Variants in ACTMAP observed in about 807,000 individuals in gnomAD.
ACTMAP encodes actin maturation protease, also known as UPF0692 protein C19orf54.
At chr19:40,742,519 G>A in the ACTMAP span, 1,125 of 1,549,434 alleles carry the variant, frequency 7.3e-4, 2 homozygotes, top group Non-Finnish European at 9.0e-4. Flanking sequence ...ACGTACACCC[G>A]GCCGTCAGTG....
At chr19:40,740,996 G>A in the ACTMAP span, 2 of 398,596 alleles carry the variant, frequency 5.0e-6, no homozygotes, top group Non-Finnish European at 8.8e-6. Flanking sequence ...TCACTGGGCG[G>A]CTATTCTTGT....
At chr19:40,750,373 A>G in the ACTMAP span, 2 of 152,358 alleles carry the variant, frequency 1.3e-5, no homozygotes, top group Non-Finnish European at 2.9e-5. Flanking sequence ...AGAGCAACAA[A>G]AAACGTCTGT....
chr19:40,746,845 C>T, the ACTMAP span, among the ~76,000 whole-genome samples: 1 of 150,096 alleles, frequency 6.7e-6, no homozygotes, highest in Non-Finnish European at 1.5e-5. Flanking sequence ...CTTGCTCTGT[C>T]GCCCGGGCTG....
At chr19:40,749,331 A>C in the ACTMAP span, 1 of 790,062 alleles carries the variant, frequency 1.3e-6, no homozygotes, top group Non-Finnish European at 2.0e-6. Flanking sequence ...TCATTGCTGG[A>C]GGCACACCAC....
the ACTMAP span, chr19:40,744,243 A>G: frequency 1.3e-6 from 2 of 1,505,034 alleles, no homozygotes; most frequent in African/African-American, 2.8e-5. Flanking sequence ...TGTGCCCAGC[A>G]CCGTGCTGAG....
chr19:40,746,727 C>A, the ACTMAP span, among the ~76,000 whole-genome samples: 1 of 151,958 alleles, frequency 6.6e-6, no homozygotes, highest in African/African-American at 2.4e-5. Context: ...TCAGGCTGGT[C>A]TCGAACTGCT....
chr19:40,744,154 T>A, the ACTMAP span: 2 of 1,607,492 alleles, frequency 1.2e-6, no homozygotes, highest in Non-Finnish European at 1.7e-6. Context: ...CAGCTTGGCC[T>A]GGCAGCCCAG....
At chr19:40,749,364 G>A in the ACTMAP span, 1 of 1,040,304 alleles carries the variant, frequency 9.6e-7, no homozygotes, top group Non-Finnish European at 1.4e-6. Context: ...CTAGGTGGGG[G>A]ACCTAAGTAG....
At chr19:40,743,299 C>T in the ACTMAP span, among the ~76,000 whole-genome samples, 1 of 149,954 alleles carries the variant, frequency 6.7e-6, no homozygotes, top group Non-Finnish European at 1.5e-5. Flanking sequence ...GTGGCACGAT[C>T]TCAGCTCACT....
At chr19:40,744,337 T>C in the ACTMAP span, 1 of 1,382,736 alleles carries the variant, frequency 7.2e-7, no homozygotes, top group Non-Finnish European at 9.6e-7. Context: ...ACAAAGAGCG[T>C]GAGTGGCTTG....
the ACTMAP span, chr19:40,745,256 G>GA: frequency 6.6e-7 from 1 of 1,526,326 alleles, no homozygotes; most frequent in Non-Finnish European, 8.9e-7. Flanking sequence ...CCCCTACCCT[G>GA]AGGTCTGGCT....
chr19:40,744,931 A>G, the ACTMAP span: 2 of 797,592 alleles, frequency 2.5e-6, no homozygotes, highest in Middle Eastern at 6.7e-4. Flanking sequence ...GACCAGGCTC[A>G]TTCGTTCATT....
At chr19:40,743,891 G>A in the ACTMAP span, 6 of 1,613,750 alleles carry the variant, frequency 3.7e-6, no homozygotes, top group South Asian at 5.5e-5. Flanking sequence ...GCAGACAAAG[G>A]AGGGGGAACC....
At chr19:40,749,406 C>CG in the ACTMAP span, 3 of 1,343,872 alleles carry the variant, frequency 2.2e-6, no homozygotes, top group East Asian at 2.7e-5. Context: ...ACACGGGAAC[C>CG]CCCCCCCCAC....
chr19:40,744,220 G>T, the ACTMAP span: 1 of 1,533,458 alleles, frequency 6.5e-7, no homozygotes, highest in Non-Finnish European at 8.8e-7. Flanking sequence ...GCACACAGAG[G>T]GGGCTTGCTG....
the ACTMAP span, among the ~76,000 whole-genome samples, chr19:40,746,235 T>C: frequency 6.6e-6 from 1 of 152,180 alleles, no homozygotes; most frequent in Non-Finnish European, 1.5e-5. Flanking sequence ...TGTTTGTTTT[T>C]TGGGACAGAG....
chr19:40,749,971 G>T, the ACTMAP span: 1 of 526,244 alleles, frequency 1.9e-6, no homozygotes, highest in Non-Finnish European at 3.2e-6. Flanking sequence ...TTGAAACCAC[G>T]GGAGCAGGAA....
At chr19:40,744,065 A>G in the ACTMAP span, 1 of 1,613,878 alleles carries the variant, frequency 6.2e-7, no homozygotes, top group South Asian at 1.1e-5. Context: ...GCCCTGGGAT[A>G]CGGGATGAGC....
chr19:40,742,105 G>A, the ACTMAP span: 15 of 543,752 alleles, frequency 2.8e-5, no homozygotes, highest in South Asian at 1.7e-4. Context: ...TGAGGCTGAC[G>A]CAGTTCAGTG....
Sources: allele counts gnomAD v4.1 joint callset (sites outside exome capture counted in the v4.1 genomes callset), GRCh38; gene constraint gnomAD v4.1.1; transcripts MANE v1.5; gene names NCBI Gene and HGNC (gene_info 2026-07-23, HGNC 2026-07-21).